ROBO2: variants seen among roughly 807,000 people sequenced by gnomAD.
The protein encoded by ROBO2 is roundabout homolog 2.
Under a neutral mutation model 160.8 loss-of-function variants are expected in ROBO2, and 53 were observed. The observed-to-expected ratio is 0.33, with a 90% CI of 0.26 to 0.41. The LOEUF is 0.41. Among genes scored for constraint, ROBO2 ranks in the 10% least tolerant of loss-of-function variants. The probability of loss-of-function intolerance (pLI) is 1.00; values close to 1 mark genes in which losing one functional copy is unlikely to be tolerated. For synonymous variants in ROBO2, 664 were observed against 611.7 expected (o/e 1.09, Z -1.26); for missense variants, 1,577 against 1,722.4 (o/e 0.92, Z 1.49).
intron 2 of ROBO2, among the ~76,000 whole-genome samples, chr3:76,938,800 T>A (rs1304537212): frequency 6.6e-6 from 1 of 151,840 alleles, no homozygotes; most frequent in South Asian, 2.1e-4. Context: ...AGAAACCCCG[T>A]CTCTACTAAA....
At chr3:76,258,570 A>T (rs183840103) in intron 2 of ROBO2, among the ~76,000 whole-genome samples, 1 of 152,102 alleles carries the variant, frequency 6.6e-6, no homozygotes, top group African/African-American at 2.4e-5. Flanking sequence ...GTTATTCATA[A>T]TGTTATTTGT....
chr3:76,586,289 T>C (rs1368889851), intron 2 of ROBO2, among the ~76,000 whole-genome samples: 1 of 152,222 alleles, frequency 6.6e-6, no homozygotes, highest in African/African-American at 2.4e-5. Flanking sequence ...GATGATGTGT[T>C]TTAGCCATAA....
At chr3:76,084,983 A>T (rs564321335) in intron 2 of ROBO2, among the ~76,000 whole-genome samples, 27 of 152,098 alleles carry the variant, frequency 1.8e-4, no homozygotes, top group East Asian at 1.2e-3. Flanking sequence ...TAGGCTTTTT[A>T]AAAAAAATTT....
rs574647878 is a variant in ROBO2, at chr3:76,887,288, T to C, written c.110-210726T>C. ...AGTCCAAAAATTAGCCATGTCATTT[T>C]AGGCAAATCCCCTGATTTTATTGAT... On this transcript the variant is annotated intron_variant, in intron 2 of 26. Transcript: ENST00000487694. 1.2e-3 allele frequency among the ~76,000 whole-genome samples: 182 copies of C among 148,914 alleles called. 1 individual carries two copies. The highest frequency in any genetic ancestry group is 4.3e-3 in the African/African-American group (172 of 40,382).
chr3:76,951,171 A>G (rs1039597872), intron 2 of ROBO2, among the ~76,000 whole-genome samples: 1 of 152,214 alleles, frequency 6.6e-6, no homozygotes, highest in African/African-American at 2.4e-5. Context: ...TTAAACCACC[A>G]TTAACACTGT....
intron 2 of ROBO2, among the ~76,000 whole-genome samples, chr3:76,981,220 G>A (rs1322948542): frequency 1.3e-5 from 2 of 152,148 alleles, no homozygotes; most frequent in Non-Finnish European, 1.5e-5. Context: ...GGATTGCTGG[G>A]TCATATAGTA....
In ROBO2 at chr3:77,327,616, A is replaced by C. The variant is rs543586866; in HGVS notation, c.389-149798A>C. On this transcript the variant is annotated intron_variant, in intron 2 of 25. Coordinates refer to ENST00000461745, the Ensembl canonical transcript of ROBO2. ...AAGCAAATGCCCAATGACAATAGGC[A>C]AAGAAGTTATGACTCCTTCAGCCAA... Among the ~76,000 whole-genome samples the C allele has an allele frequency of 3.9e-5, 6 of 152,330 alleles. No individual in the cohort carries two copies. In the South Asian group the frequency reaches 1.2e-3, roughly 32 times the overall value.
chr3:77,008,214 T>C (rs2061685012), intron 2 of ROBO2, among the ~76,000 whole-genome samples: 1 of 152,054 alleles, frequency 6.6e-6, no homozygotes, highest in Non-Finnish European at 1.5e-5. Context: ...TTAAAACAAA[T>C]CAACCCCATT....
At chr3:76,859,805 A>G (rs1298510562) in intron 2 of ROBO2, among the ~76,000 whole-genome samples, 1 of 152,090 alleles carries the variant, frequency 6.6e-6, no homozygotes, top group Non-Finnish European at 1.5e-5. Flanking sequence ...TAGCAGAGTC[A>G]TGTTCCTCTA....
chr3:76,807,291 G>A (rs2064805619), intron 2 of ROBO2, among the ~76,000 whole-genome samples: 1 of 151,932 alleles, frequency 6.6e-6, no homozygotes, highest in African/African-American at 2.4e-5. Flanking sequence ...AATGCAGTCA[G>A]GACCCTGTAA....
At chr3:77,449,530 G>T (rs188795972) in intron 2 of ROBO2, among the ~76,000 whole-genome samples, 5 of 152,050 alleles carry the variant, frequency 3.3e-5, no homozygotes, top group Admixed American at 6.6e-5. Context: ...AGGGAAGAAA[G>T]AAATCTGCAT....
At chr3:75,924,689 T>C (rs1329489535) in intron 1 of ROBO2, among the ~76,000 whole-genome samples, 16 of 115,542 alleles carry the variant, frequency 1.4e-4, no homozygotes, top group African/African-American at 5.1e-4. Context: ...TTCTTTTTTT[T>C]TTTTTTTTTT....
intron 2 of ROBO2, among the ~76,000 whole-genome samples, chr3:77,147,644 A>C (rs1279863464): frequency 6.6e-6 from 1 of 152,188 alleles, no homozygotes; most frequent in Non-Finnish European, 1.5e-5. Flanking sequence ...CTCTTTTACT[A>C]TGTGTAATTT....
intron 2 of ROBO2, among the ~76,000 whole-genome samples, chr3:76,744,496 G>A (rs900222629): frequency 1.4e-4 from 21 of 151,856 alleles, no homozygotes; most frequent in African/African-American, 4.8e-4. Context: ...AGTAGCTGGG[G>A]CTACAGGCAT....
chr3:76,665,696 A>C (rs1270063911), intron 2 of ROBO2, among the ~76,000 whole-genome samples: 1 of 151,512 alleles, frequency 6.6e-6, no homozygotes, highest in Admixed American at 6.6e-5. Context: ...ACTATGAATG[A>C]CCAAGACTCT....
chr3:76,603,326 CATCTCCAAAA>C (rs1377035331), intron 2 of ROBO2, among the ~76,000 whole-genome samples: 1 of 81,780 alleles, frequency 1.2e-5, no homozygotes, highest in Admixed American at 1.4e-4. Context: ...AGCGAGACTC[CATCTCCAAAA>C]AAAAAAAAAA....
chr3:76,383,984 A>G (rs2076760466), intron 2 of ROBO2, among the ~76,000 whole-genome samples: 1 of 152,204 alleles, frequency 6.6e-6, no homozygotes, highest in Non-Finnish European at 1.5e-5. Flanking sequence ...CAGATGTCAG[A>G]GCATGTGACA....
intron 2 of ROBO2, among the ~76,000 whole-genome samples, chr3:77,278,528 A>C (rs1274226343): frequency 1.3e-5 from 2 of 152,186 alleles, no homozygotes; most frequent in South Asian, 2.1e-4. Context: ...TTATTATTAC[A>C]TATATTAAAT....
At chr3:76,439,781 T>C (rs2109101266) in intron 2 of ROBO2, among the ~76,000 whole-genome samples, 1 of 152,098 alleles carries the variant, frequency 6.6e-6, no homozygotes, top group South Asian at 2.1e-4. Flanking sequence ...AAAGAGTGAG[T>C]TAAATCATTT....
Sources: gnomAD v4.1 joint callset for allele counts (sites outside exome capture counted in the v4.1 genomes callset) on GRCh38, gnomAD v4.1.1 for gene constraint, MANE v1.5 for transcripts, NCBI Gene and HGNC (gene_info 2026-07-23, HGNC 2026-07-21) for gene names.